The following NELL1 variants were observed in gnomAD, a reference collection of about 807,000 sequenced individuals.
The protein encoded by NELL1 is neural EGFL like 1, also known as protein kinase C-binding protein NELL1.
NELL1 carries 76 observed loss-of-function variants against 107.4 expected under a neutral mutation model. The observed-to-expected ratio is 0.71, with a 90% confidence interval of 0.59 to 0.86. The LOEUF (loss-of-function observed/expected upper bound fraction) is 0.86. NELL1 is among the 40% of genes least tolerant of loss of function. The pLI, the probability that NELL1 is intolerant of heterozygous loss-of-function variation, is 0.00. For synonymous variants in NELL1, 353 were observed against 341.2 expected (o/e 1.03, Z -0.38); for missense variants, 1,024 against 1,005.5 (o/e 1.02, Z -0.25).
intron 13 of NELL1, among the ~76,000 whole-genome samples, chr11:21,204,342 G>A (rs963572425): frequency 2.0e-5 from 3 of 151,466 alleles, no homozygotes; most frequent in East Asian, 2.0e-4. Context: ...TTGTCTTCAC[G>A]CTTTATTTCA....
intron 12 of NELL1, among the ~76,000 whole-genome samples, chr11:21,020,235 C>T (rs1431439186): frequency 6.6e-6 from 1 of 152,120 alleles, no homozygotes; most frequent in Admixed American, 6.6e-5. Context: ...TACTTCAGAA[C>T]AATAGCATAC....
intron 15 of NELL1, among the ~76,000 whole-genome samples, chr11:21,371,851 GTTC>G (rs1483170896): frequency 6.6e-6 from 1 of 152,014 alleles, no homozygotes; most frequent in East Asian, 1.9e-4. Context: ...TATAAGCAAA[GTTC>G]TTGTTTCCTT....
intron 14 of NELL1, among the ~76,000 whole-genome samples, chr11:21,360,959 A>G (rs565534107): frequency 5.9e-5 from 9 of 152,258 alleles, no homozygotes; most frequent in African/African-American, 1.7e-4. Context: ...TTTACATTCA[A>G]CGCTAATATT....
chr11:20,675,226 C>T (rs888755777), intron 1 of NELL1, among the ~76,000 whole-genome samples: 1 of 152,114 alleles, frequency 6.6e-6, no homozygotes, highest in South Asian at 2.1e-4. Flanking sequence ...TGGCTTGCCT[C>T]AAAATCAAGA....
intron 14 of NELL1, among the ~76,000 whole-genome samples, chr11:21,285,379 C>T (rs961611781): frequency 1.3e-5 from 2 of 152,160 alleles, no homozygotes; most frequent in Non-Finnish European, 2.9e-5. Context: ...TGGCTTCTCT[C>T]TAGAGGTCGT....
chr11:21,020,445 G>A (rs34068563), intron 12 of NELL1, among the ~76,000 whole-genome samples: 6,176 of 152,166 alleles, frequency 0.041, 185 homozygotes, highest in Middle Eastern at 0.13. Context: ...TACTATGGTG[G>A]CACCAGATTG....
At chr11:20,958,980 T>A (rs1175790002) in intron 11 of NELL1, among the ~76,000 whole-genome samples, 6 of 152,216 alleles carry the variant, frequency 3.9e-5, no homozygotes, top group African/African-American at 1.4e-4. Context: ...TTTCCCAATG[T>A]GTTTAAAAGT....
At chr11:20,930,032 T>C (rs1850586270) in intron 9 of NELL1, among the ~76,000 whole-genome samples, 1 of 152,132 alleles carries the variant, frequency 6.6e-6, no homozygotes, top group Non-Finnish European at 1.5e-5. Context: ...TGAGATGTTT[T>C]AGTCTATTAT....
At chr11:20,765,228 G>A (rs953650617) in intron 2 of NELL1, among the ~76,000 whole-genome samples, 10 of 152,174 alleles carry the variant, frequency 6.6e-5, no homozygotes, top group African/African-American at 9.7e-5. Flanking sequence ...TGTAGGCATT[G>A]TACTTGCATG....
chr11:21,051,516 C>A (rs142960649), intron 12 of NELL1, among the ~76,000 whole-genome samples: 203 of 152,038 alleles, frequency 1.3e-3, no homozygotes, highest in African/African-American at 4.6e-3. Context: ...ACCACCTGTT[C>A]CCCAAAAACT....
chr11:20,854,803 G>T (rs1482863782), intron 4 of NELL1, among the ~76,000 whole-genome samples: 1 of 152,154 alleles, frequency 6.6e-6, no homozygotes, highest in African/African-American at 2.4e-5. Flanking sequence ...GCAAGCAGAT[G>T]ATGGATAGTT....
chr11:21,105,295 A>G (rs1214700655), intron 12 of NELL1, among the ~76,000 whole-genome samples: 1 of 152,134 alleles, frequency 6.6e-6, no homozygotes, highest in African/African-American at 2.4e-5. Context: ...CCAAAGTGGG[A>G]ATTTCTGCCC....
At chr11:20,744,391 AT>A (rs1855956962) in intron 2 of NELL1, among the ~76,000 whole-genome samples, 1 of 152,238 alleles carries the variant, frequency 6.6e-6, no homozygotes, top group Non-Finnish European at 1.5e-5. Context: ...CTGTCTGAAC[AT>A]GCTATATCAG....
intron 13 of NELL1, among the ~76,000 whole-genome samples, chr11:21,211,578 A>G (rs1028100253): frequency 7.9e-5 from 12 of 152,184 alleles, no homozygotes; most frequent in African/African-American, 2.9e-4. Flanking sequence ...AATAAATTGC[A>G]GGTGGGCAAT....
intron 15 of NELL1, among the ~76,000 whole-genome samples, chr11:21,465,487 C>T (rs974280775): frequency 5.9e-5 from 9 of 152,034 alleles, no homozygotes; most frequent in Non-Finnish European, 1.0e-4. Context: ...TAGCATTTGG[C>T]ATCTTTCCAG....
At chr11:21,233,186 C>A (rs1858110275) in intron 14 of NELL1, among the ~76,000 whole-genome samples, 1 of 152,154 alleles carries the variant, frequency 6.6e-6, no homozygotes, top group Non-Finnish European at 1.5e-5. Context: ...ATGGAAAATA[C>A]TTGTTCAGCT....
chr11:21,499,844 T>C (rs1445166313), intron 15 of NELL1, among the ~76,000 whole-genome samples: 1 of 152,128 alleles, frequency 6.6e-6, no homozygotes, highest in Non-Finnish European at 1.5e-5. Flanking sequence ...AGCCCAGGGC[T>C]GTCTAACACC....
At chr11:21,553,097 T>C (rs1393390934) in intron 16 of NELL1, among the ~76,000 whole-genome samples, 2 of 151,894 alleles carry the variant, frequency 1.3e-5, no homozygotes, top group Non-Finnish European at 2.9e-5. Flanking sequence ...ATGCTTCTTG[T>C]AGTGAATGAA....
intron 13 of NELL1, among the ~76,000 whole-genome samples, chr11:21,207,022 C>T (rs921759154): frequency 2.0e-5 from 3 of 152,164 alleles, no homozygotes; most frequent in Admixed American, 6.5e-5. Context: ...TTAAAACAAA[C>T]AGCTTCACTT....
Sources: gnomAD v4.1 joint callset for allele counts (sites outside exome capture counted in the v4.1 genomes callset) on GRCh38, gnomAD v4.1.1 for gene constraint, MANE v1.5 for transcripts, NCBI Gene and HGNC (gene_info 2026-07-23, HGNC 2026-07-21) for gene names.